ZC2HC1A: variants seen among roughly 807,000 people sequenced by gnomAD.
ZC2HC1A encodes the protein zinc finger C2HC-type containing 1A, also known as zinc finger C2HC domain-containing protein 1A.
In ZC2HC1A, 28 loss-of-function variants were observed where a neutral mutation model predicts 40.7. That is an observed-to-expected ratio of 0.69 (90% CI 0.51 to 0.94). The LOEUF (loss-of-function observed/expected upper bound fraction) is 0.94, where lower values mean the gene tolerates loss of function less well. Ranked by LOEUF, ZC2HC1A falls within the 40% of genes least tolerant of loss-of-function variation. The pLI is 0.00. For missense variants in ZC2HC1A, 389 were observed against 386.3 expected, an observed-to-expected ratio of 1.01 and a Z score of -0.06; for synonymous variants, 129 against 129.2, an observed-to-expected ratio of 1.00 and a Z score of 0.01.
chr8:78,683,515 G>A (rs969553889), intron 3 of ZC2HC1A, among the ~76,000 whole-genome samples: 8 of 152,150 alleles, frequency 5.3e-5, no homozygotes, highest in South Asian at 4.1e-4. Context: ...CAGCTGGGAC[G>A]CAGGGCACCA....
intron 1 of ZC2HC1A, among the ~76,000 whole-genome samples, chr8:78,668,328 G>A (rs1364505772): frequency 6.6e-6 from 1 of 152,098 alleles, no homozygotes; most frequent in Admixed American, 6.5e-5. Flanking sequence ...TACTTTGAAG[G>A]TGTTTAATAA....
At chr8:78,696,300 C>T (rs994547456) in intron 5 of ZC2HC1A, among the ~76,000 whole-genome samples, 1 of 152,176 alleles carries the variant, frequency 6.6e-6, no homozygotes, top group Admixed American at 6.5e-5. Context: ...TTCCAAAGTG[C>T]TGGGATTACA....
intron 7 of ZC2HC1A, among the ~76,000 whole-genome samples, chr8:78,702,584 T>C (rs1025991448): frequency 3.3e-5 from 5 of 152,206 alleles, no homozygotes; most frequent in Non-Finnish European, 7.4e-5. Flanking sequence ...TTCTAACTTT[T>C]GATGTGGGCA....
chr8:78,702,320 C>T (rs779153738), intron 7 of ZC2HC1A, among the ~76,000 whole-genome samples: 32 of 151,968 alleles, frequency 2.1e-4, no homozygotes, highest in Non-Finnish European at 3.5e-4. Context: ...TAATACCCCT[C>T]TTGTCATTTC....
intron 7 of ZC2HC1A, among the ~76,000 whole-genome samples, chr8:78,710,688 C>T (rs1201830764): frequency 6.6e-6 from 1 of 151,882 alleles, no homozygotes; most frequent in Non-Finnish European, 1.5e-5. Flanking sequence ...AGAATAAAAT[C>T]TGAATGTTTA....
chr8:78,667,054 C>T (rs1199931524), intron 1 of ZC2HC1A, among the ~76,000 whole-genome samples: 2 of 152,290 alleles, frequency 1.3e-5, no homozygotes, highest in East Asian at 3.9e-4. Flanking sequence ...TCCTTTCCCC[C>T]GTCTCCTAGT....
At chr8:78,716,965 T>C (rs890367879) in intron 8 of ZC2HC1A, among the ~76,000 whole-genome samples, 1 of 152,172 alleles carries the variant, frequency 6.6e-6, no homozygotes, top group African/African-American at 2.4e-5. Flanking sequence ...ATAAGTTTCC[T>C]GAGGCCTCCC....
In ZC2HC1A at chr8:78,676,828, C is replaced by G. The variant is rs368402228; in HGVS notation, c.93+965C>G. Among the ~76,000 whole-genome samples, 19 of 151,878 alleles carry G rather than the reference C, an allele frequency of 1.3e-4. No homozygotes were observed. In the South Asian group the frequency reaches 3.5e-3, roughly 28 times the overall value. ...TGAATTTCACAGCAAAAAAAAAGTG[C>G]CTTTTTTGGCTCTCATTTATGTGGT... On this transcript the variant is annotated intron_variant, in intron 2 of 8. Transcript: ENST00000263849.
chr8:78,699,442 A>C (rs1251447138), intron 7 of ZC2HC1A, among the ~76,000 whole-genome samples: 1 of 152,154 alleles, frequency 6.6e-6, no homozygotes, highest in Non-Finnish European at 1.5e-5. Context: ...TGATTAATGA[A>C]ATACAGCACA....
chr8:78,668,543 C>T (rs1042627900), intron 1 of ZC2HC1A, among the ~76,000 whole-genome samples: 6 of 152,038 alleles, frequency 3.9e-5, no homozygotes, highest in Non-Finnish European at 5.9e-5. Flanking sequence ...TTATAACTTA[C>T]GTTATTTGCA....
intron 2 of ZC2HC1A, among the ~76,000 whole-genome samples, chr8:78,677,454 A>T (rs147006652): frequency 1.3e-5 from 2 of 152,246 alleles, no homozygotes; most frequent in African/African-American, 4.8e-5. Flanking sequence ...GGAGGAAAAG[A>T]ATTAGTATGG....
chr8:78,687,490 A>T (rs879930300), intron 4 of ZC2HC1A, among the ~76,000 whole-genome samples: 2 of 144,962 alleles, frequency 1.4e-5, no homozygotes, highest in East Asian at 3.9e-4. Flanking sequence ...ATAATTATAT[A>T]TGTTTATATA....
intron 3 of ZC2HC1A, among the ~76,000 whole-genome samples, chr8:78,685,264 A>T (rs1809932000): frequency 6.6e-6 from 1 of 152,170 alleles, no homozygotes; most frequent in Non-Finnish European, 1.5e-5. Flanking sequence ...CATGTTAAAA[A>T]AATAAGCGAA....
intron 1 of ZC2HC1A, among the ~76,000 whole-genome samples, chr8:78,673,022 C>T (rs1809477126): frequency 6.6e-6 from 1 of 151,946 alleles, no homozygotes; most frequent in Non-Finnish European, 1.5e-5. Context: ...AGGTTTTAAG[C>T]CCCACATGCA....
intron 8 of ZC2HC1A, among the ~76,000 whole-genome samples, chr8:78,716,271 C>T (rs574925064): frequency 1.1e-3 from 166 of 151,438 alleles, no homozygotes; most frequent in Admixed American, 1.7e-3. Flanking sequence ...TACAGGCGCC[C>T]GCCACCACGC....
chr8:78,681,901 C>CTTTTTTTTTTTTTTTTTTTTTTTT (rs56181953), intron 3 of ZC2HC1A, among the ~76,000 whole-genome samples: 3 of 126,470 alleles, frequency 2.4e-5, no homozygotes, highest in South Asian at 2.4e-4. Flanking sequence ...CTTTTTCTTT[C>CTTTTTTTTTTTTTTTTTTTTTTTT]TTTTTTTTTT....
chr8:78,713,081 A>T (rs1024789393), intron 7 of ZC2HC1A, among the ~76,000 whole-genome samples: 1 of 152,194 alleles, frequency 6.6e-6, no homozygotes, highest in Non-Finnish European at 1.5e-5. Context: ...TCTCACAGTA[A>T]CAGTGACTAG....
At chr8:78,712,214 T>C in intron 7 of ZC2HC1A, 1 of 518,452 alleles carries the variant, frequency 1.9e-6, no homozygotes, top group Non-Finnish European at 2.9e-6. Flanking sequence ...AAAAATCTGT[T>C]GAATAATTTC....
chr8:78,689,408 A>T, intron 5 of ZC2HC1A, 35 bp downstream of exon 5: 1 of 1,524,496 alleles, frequency 6.6e-7, no homozygotes, highest in Non-Finnish European at 8.8e-7. Flanking sequence ...ATAAACGAGA[A>T]AATGGCTCAT....
Sources: allele counts gnomAD v4.1 joint callset (sites outside exome capture counted in the v4.1 genomes callset), GRCh38; gene constraint gnomAD v4.1.1; transcripts MANE v1.5; gene names NCBI Gene and HGNC (gene_info 2026-07-23, HGNC 2026-07-21).